The following NDUFA10 variants were observed in gnomAD, a reference collection of about 807,000 sequenced individuals.
NDUFA10 encodes the protein NADH:ubiquinone oxidoreductase subunit A10, also known as NADH dehydrogenase [ubiquinone] 1 alpha subcomplex subunit 10, mitochondrial.
NDUFA10 carries 40 observed loss-of-function variants against 47.8 expected under a neutral mutation model. The ratio of observed to expected loss-of-function variants is 0.84; its 90% CI spans 0.65 to 1.09. NDUFA10 has a LOEUF of 1.09. Ranked by LOEUF, NDUFA10 falls within the 50% of genes least tolerant of loss-of-function variation. NDUFA10 has a pLI of 0.00. For missense variants in NDUFA10, 413 were observed against 451.1 expected (o/e 0.92, Z 0.76); for synonymous variants, 183 against 172.2 (o/e 1.06, Z -0.49).
At chr2:239,978,661 G>C (rs955755639) in intron 9 of NDUFA10, among the ~76,000 whole-genome samples, 1 of 152,190 alleles carries the variant, frequency 6.6e-6, no homozygotes, top group Non-Finnish European at 1.5e-5. Context: ...TCCCAGCAGC[G>C]ACGCCAGTTG....
chr2:239,953,754 A>G (rs898631277), downstream of NDUFA10, among the ~76,000 whole-genome samples: 1 of 152,224 alleles, frequency 6.6e-6, no homozygotes, highest in Non-Finnish European at 1.5e-5. Flanking sequence ...GCTTGTCCTT[A>G]AAAGGCTGGA....
intron 4 of NDUFA10, among the ~76,000 whole-genome samples, chr2:239,909,647 G>T (rs531204426): frequency 1.3e-5 from 2 of 152,058 alleles, no homozygotes; most frequent in East Asian, 1.9e-4. Context: ...AAAAACCCTA[G>T]AAGAAAATCT....
At chr2:239,914,964 CAG>C (rs1693825039) in intron 4 of NDUFA10, among the ~76,000 whole-genome samples, 1 of 146,124 alleles carries the variant, frequency 6.8e-6, no homozygotes, top group Non-Finnish European at 1.5e-5. Context: ...AACATACACA[CAG>C]AACACACACA....
At chr2:239,951,965 C>T (rs1232369230) in intron 4 of NDUFA10, among the ~76,000 whole-genome samples, 1 of 152,214 alleles carries the variant, frequency 6.6e-6, no homozygotes, top group Admixed American at 6.5e-5. Flanking sequence ...TGGTGCATGC[C>T]CTTTGGTCTC....
At chr2:239,935,591 G>T (rs1372406158) in intron 4 of NDUFA10, among the ~76,000 whole-genome samples, 3 of 152,192 alleles carry the variant, frequency 2.0e-5, no homozygotes, top group African/African-American at 7.2e-5. Context: ...ACATGGTTTG[G>T]CTGTGTCCCC....
At position 239,960,910 on chromosome 2, in the gene NDUFA10, G is replaced by T; in HGVS notation, c.*208C>A. 6.8e-7 allele frequency: 1 copy of T among 1,465,508 alleles called. No homozygotes were observed. The highest frequency in any genetic ancestry group is 1.3e-5 in the South Asian group (1 of 74,532). The allele number at this position is 1,465,508 out of a possible 1,614,324, so 90.8% of individuals were successfully genotyped here. A position where few individuals can be genotyped will look rare whatever the true frequency, so the allele number is the denominator to read the frequency against. On this transcript the variant is annotated 3_prime_UTR_variant, in exon 10 of 10. Transcript: ENST00000252711. ...GGCCATTCCAAAACAAAGCTAAAGG[G>T]TTCCAAACATCCAGAATGGAAGCTG...
intron 8 of NDUFA10, 61 bp downstream of exon 8, chr2:240,005,147 TAA>T: frequency 7.2e-7 from 1 of 1,392,884 alleles, no homozygotes; most frequent in Non-Finnish European, 1.0e-6. Flanking sequence ...CAAACTTCCC[TAA>T]GTTTCCCCAT....
intron 7 of NDUFA10, among the ~76,000 whole-genome samples, chr2:240,005,712 A>G (rs1696924423): frequency 7.3e-6 from 1 of 136,276 alleles, no homozygotes; most frequent in Non-Finnish European, 1.7e-5. Flanking sequence ...GAAGAATCAC[A>G]CCGTAACAGT....
chr2:239,956,889 G>A (rs943992387), downstream of NDUFA10, among the ~76,000 whole-genome samples: 1 of 152,248 alleles, frequency 6.6e-6, no homozygotes, highest in Middle Eastern at 3.4e-3. Context: ...CTCCAGCTCT[G>A]CGGACACAGA....
Position 239,906,685 on chromosome 2 carries a change from T to C in NDUFA10, c.295-11371A>G, listed in dbSNP as rs968110942. Among the ~76,000 whole-genome samples the C allele has an allele frequency of 4.6e-5, 7 of 152,194 alleles. No individual in the cohort carries two copies. The highest frequency in any genetic ancestry group is 1.7e-4 in the African/African-American group (7 of 41,446). On this transcript the variant is annotated intron_variant, in intron 4 of 5. Coordinates refer to the NDUFA10 transcript ENST00000419408. This position sits in a 1 kb window ranked among gnomAD's most constrained non-coding sequence, Gnocchi z 4.3. ...TGCACCCAACCCTAAAGGTGCCTCC[T>C]CCTTTCTTCTTGATGAAAAGGTGTG...
intron 9 of NDUFA10, among the ~76,000 whole-genome samples, chr2:239,973,225 TG>T (rs1695372079): frequency 6.6e-6 from 1 of 152,206 alleles, no homozygotes; most frequent in Non-Finnish European, 1.5e-5. Flanking sequence ...ACTTATAAAC[TG>T]AAAATTTGTA....
chr2:240,005,131 T>A (rs1696893127), intron 8 of NDUFA10, 79 bp downstream of exon 8: 1 of 1,283,124 alleles, frequency 7.8e-7, no homozygotes, highest in African/African-American at 1.5e-5. Flanking sequence ...TGAAACATAA[T>A]TATTTCAAAC....
rs148131506 is a variant in NDUFA10 at position 240,005,287 on chromosome 2, C to T, written c.813G>A (p.Glu271=). The T allele has an allele frequency of 1.9e-6, 3 of 1,613,550 alleles. No individual in the cohort carries two copies. Among genetic ancestry groups the T allele is most frequent in the African/African-American group, 2.7e-5 (2 of 74,898 alleles). ...REAQDSKKVV[E]DIEYLKFDKG... Reference sequence around the variant, plus strand: ...TATCGAACTTCAGGTATTCAATGTCCTCTACCACCTAAGACAGGAAAAATT... The same window carrying T: ...TATCGAACTTCAGGTATTCAATGTCTTCTACCACCTAAGACAGGAAAAATT... The change falls in exon 8 of 10, where the codon GAG becomes GAA. Residue 271 remains glutamate (E), a synonymous_variant. Coordinates refer to ENST00000252711, the MANE Select transcript of NDUFA10 (RefSeq NM_004544.4).
At chr2:239,915,468 A>C (rs906130697) in intron 4 of NDUFA10, among the ~76,000 whole-genome samples, 6 of 146,180 alleles carry the variant, frequency 4.1e-5, no homozygotes, top group African/African-American at 1.6e-4. Context: ...ATACACATAC[A>C]TACACACACA....
chr2:239,914,967 AAC>A (rs563108278), intron 4 of NDUFA10, among the ~76,000 whole-genome samples: 5 of 146,532 alleles, frequency 3.4e-5, no homozygotes, highest in South Asian at 2.1e-4. Context: ...ATACACACAG[AAC>A]ACACACACAG....
rs4149540 is a variant in NDUFA10, at chr2:240,018,712, C to A, written c.461-73G>T. ...AGCACTGTCAACTGATCACTGCATT[C>A]CAGAGAAAAGAAAATAACAATCATT... On this transcript the variant is annotated intron_variant, in intron 3 of 9. Coordinates refer to ENST00000252711, the MANE Select transcript of NDUFA10 (RefSeq NM_004544.4). 3.5e-6 allele frequency: 5 copies of A among 1,414,398 alleles called. No homozygotes were observed. In the East Asian group the frequency reaches 9.2e-5, roughly 26 times the overall value. 87.6% of individuals were successfully genotyped at this position (1,414,398 alleles called of 1,614,324 possible).
intron 9 of NDUFA10, among the ~76,000 whole-genome samples, chr2:239,968,451 G>C (rs533086404): frequency 9.2e-5 from 14 of 152,348 alleles, no homozygotes; most frequent in African/African-American, 3.1e-4. Context: ...CAGTTATACT[G>C]TTAGGGCCTA....
At chr2:239,942,780 C>T (rs182747494) in intron 4 of NDUFA10, among the ~76,000 whole-genome samples, 1 of 152,094 alleles carries the variant, frequency 6.6e-6, no homozygotes, top group East Asian at 1.9e-4. Flanking sequence ...TCTTCAAGCC[C>T]GAGCAGCTCT....
Position 239,928,670 on chromosome 2 carries a change from C to G in NDUFA10, c.295-33356G>C, listed in dbSNP as rs1694106236. ...GTGATTCCCAAGCTGTCTCCAAGCCCTGCCTCACCTGCTCCAGAGGCACCC... is the reference window on the plus strand; with the variant it reads ...GTGATTCCCAAGCTGTCTCCAAGCCGTGCCTCACCTGCTCCAGAGGCACCC... On this transcript the variant is annotated intron_variant, in intron 4 of 5. Transcript: ENST00000419408. This position sits in a 1 kb window ranked among gnomAD's most constrained non-coding sequence, Gnocchi z 4.3. Among the ~76,000 whole-genome samples, 1 of 152,220 alleles carries G rather than the reference C, an allele frequency of 6.6e-6. No homozygotes were observed. The highest frequency in any genetic ancestry group is 1.5e-5 in the Non-Finnish European group (1 of 68,036).
Sources: allele counts gnomAD v4.1 joint callset (sites outside exome capture counted in the v4.1 genomes callset), GRCh38; gene constraint gnomAD v4.1.1; non-coding constraint Gnocchi (gnomAD v3.1); transcripts MANE v1.5; gene names NCBI Gene and HGNC (gene_info 2026-07-23, HGNC 2026-07-21).